The following PCDHA3 variants were observed in gnomAD, a reference collection of about 807,000 sequenced individuals.
The protein encoded by PCDHA3 is protocadherin alpha-3.
PCDHA3 carries 41 observed loss-of-function variants against 62.2 expected under a neutral mutation model. That is an observed-to-expected ratio of 0.66 (90% CI 0.51 to 0.86). PCDHA3 has a LOEUF of 0.86. PCDHA3 is among the 40% of genes least tolerant of loss of function. The pLI is 0.00. For synonymous variants in PCDHA3, 640 were observed against 555.4 expected (o/e 1.15, Z -2.14); for missense variants, 1,304 against 1,241.2 (o/e 1.05, Z -0.76).
At chr5:140,830,231 A>G (rs1770914153) in intron 1 of PCDHA3, 1 of 1,613,696 alleles carries the variant, frequency 6.2e-7, no homozygotes, top group Admixed American at 1.7e-5. Context: ...GCTGGTCCTC[A>G]CGCTACTGCT....
At chr5:140,880,317 A>C (rs1295276378) in intron 1 of PCDHA3, among the ~76,000 whole-genome samples, 1 of 152,248 alleles carries the variant, frequency 6.6e-6, no homozygotes, top group East Asian at 1.9e-4. Flanking sequence ...ACAAGTAAAA[A>C]ATAAGATACT....
chr5:140,947,347 G>A (rs1554218167), intron 1 of PCDHA3, among the ~76,000 whole-genome samples: 1 of 151,534 alleles, frequency 6.6e-6, no homozygotes, highest in Non-Finnish European at 1.5e-5. Context: ...CTTAATTCTG[G>A]ACTCTATTTC....
chr5:140,840,610 C>T (rs1488564002), intron 1 of PCDHA3, among the ~76,000 whole-genome samples: 1 of 151,912 alleles, frequency 6.6e-6, no homozygotes, highest in Admixed American at 6.6e-5. Context: ...AAGTGAGAGG[C>T]TGAATTTAAC....
chr5:140,981,959 A>C (rs76200785), intron 2 of PCDHA3, among the ~76,000 whole-genome samples: 3,104 of 152,312 alleles, frequency 0.02, 114 homozygotes, highest in African/African-American at 0.071. Flanking sequence ...TCATCTATGC[A>C]TAAAAGATAT....
At chr5:140,925,072 G>C (rs921580794) in intron 1 of PCDHA3, among the ~76,000 whole-genome samples, 1 of 149,184 alleles carries the variant, frequency 6.7e-6, no homozygotes, top group Non-Finnish European at 1.5e-5. Context: ...AAAGCAACAC[G>C]CTCATCTGGA....
intron 1 of PCDHA3, chr5:140,816,567 T>G (rs1765950610): frequency 6.6e-6 from 1 of 151,966 alleles, no homozygotes; most frequent in African/African-American, 2.4e-5. Flanking sequence ...ATGTTTCCTG[T>G]TTTCTCATAT....
At chr5:140,822,168 G>C (rs2150114255) in intron 1 of PCDHA3, 1 of 1,614,262 alleles carries the variant, frequency 6.2e-7, no homozygotes, top group South Asian at 1.1e-5. Context: ...ATCCGCCCAG[G>C]TTCTCCAGAC....
At chr5:140,823,494 C>A (rs2150126388) in intron 1 of PCDHA3, 2 of 1,613,266 alleles carry the variant, frequency 1.2e-6, no homozygotes, top group Admixed American at 1.7e-5. Flanking sequence ...GTGGCACCGG[C>A]GGCGCAGTGA....
At chr5:140,843,844 AC>A in intron 1 of PCDHA3, 1 of 1,001,290 alleles carries the variant, frequency 1.0e-6, no homozygotes, top group Non-Finnish European at 1.5e-6. Flanking sequence ...GTTTTTAGAA[AC>A]CTTTTATAAT....
chr5:140,848,707 G>GC, intron 1 of PCDHA3: 1 of 1,592,428 alleles, frequency 6.3e-7, no homozygotes, highest in Non-Finnish European at 8.6e-7. Flanking sequence ...TCCAAAGGCC[G>GC]CGGGGACCTT....
intron 1 of PCDHA3, chr5:140,808,630 C>T (rs879967901): frequency 6.2e-7 from 1 of 1,613,606 alleles, no homozygotes; most frequent in African/African-American, 1.3e-5. Flanking sequence ...CTGCGTGGGA[C>T]GCGGACGCGC....
rs147047116 is a variant in PCDHA3, at chr5:140,937,713, C to T, written c.2395-41236C>T. Among the ~76,000 whole-genome samples the T allele has an allele frequency of 7.0e-4, 107 of 151,998 alleles. No homozygotes were observed. The East Asian group carries it at 0.02, about 28-fold the overall frequency. On this transcript the variant is annotated intron_variant, in intron 1 of 3. Transcript: ENST00000522353. The stretch of plus-strand genomic sequence containing the variant: ...GGATCACGAGGTCAGGAGATCAAGA[C>T]CATCCTGGCTAACACGGTGAAACCC...
intron 1 of PCDHA3, chr5:140,871,603 T>C (rs919844711): frequency 6.2e-6 from 9 of 1,443,200 alleles, no homozygotes; most frequent in Admixed American, 5.5e-5. Flanking sequence ...AACCAGTGTT[T>C]TGAATATTGT....
intron 3 of PCDHA3, among the ~76,000 whole-genome samples, chr5:141,008,739 C>A (rs1554261919): frequency 1.3e-5 from 2 of 152,166 alleles, no homozygotes; most frequent in Non-Finnish European, 2.9e-5. Context: ...AGACTGTGAG[C>A]ACACTGAGGG....
chr5:140,983,704 A>T (rs1364816662), intron 3 of PCDHA3, among the ~76,000 whole-genome samples: 3 of 152,226 alleles, frequency 2.0e-5, no homozygotes, highest in Non-Finnish European at 4.4e-5. Flanking sequence ...AAATCCAAGT[A>T]TATCTAGCAC....
At chr5:140,968,189 T>C (rs181004208) in intron 1 of PCDHA3, 2 of 1,614,034 alleles carry the variant, frequency 1.2e-6, no homozygotes, top group Middle Eastern at 1.6e-4. Flanking sequence ...GGACTCCTAT[T>C]CCATCTACAT....
At chr5:140,841,566 G>A (rs2150318318) in intron 1 of PCDHA3, 14 of 1,613,814 alleles carry the variant, frequency 8.7e-6, no homozygotes, top group African/African-American at 4.0e-5. Context: ...CTGCAGAATG[G>A]CATTTTGTTT....
In PCDHA3 at chr5:140,876,046, C is replaced by T. The variant is rs781957967; in HGVS notation, c.2394+72455C>T. 1.5e-5 allele frequency: 24 copies of T among 1,613,720 alleles called. No individual in the cohort carries two copies. The Admixed American group carries it at 1.7e-4, about 11-fold the overall frequency. Reference sequence around the variant, plus strand: ...AACAAAAAAAGATAAAAGTATATTGCCTGAATTAGTTCTTCGGAAGTTATT... The same window carrying T: ...AACAAAAAAAGATAAAAGTATATTGTCTGAATTAGTTCTTCGGAAGTTATT... On this transcript the variant is annotated intron_variant, in intron 1 of 3. Transcript: ENST00000522353.
At chr5:140,843,985 C>T (rs1171962814) in intron 1 of PCDHA3, among the ~76,000 whole-genome samples, 4 of 149,436 alleles carry the variant, frequency 2.7e-5, no homozygotes, top group Non-Finnish European at 6.0e-5. Context: ...TGCCTTACAG[C>T]CGTCTTCTCT....
Sources: gnomAD v4.1 joint callset for allele counts (sites outside exome capture counted in the v4.1 genomes callset) on GRCh38, gnomAD v4.1.1 for gene constraint, MANE v1.5 for transcripts, NCBI Gene and HGNC (gene_info 2026-07-23, HGNC 2026-07-21) for gene names.